The following SLC33A1 variants were observed in gnomAD, a reference collection of about 807,000 sequenced individuals.
SLC33A1 encodes acetyl-coenzyme A transporter 1.
SLC33A1 carries 20 observed loss-of-function variants against 50.0 expected under a neutral mutation model. The ratio of observed to expected loss-of-function variants is 0.40; its 90% CI spans 0.28 to 0.58. The LOEUF (loss-of-function observed/expected upper bound fraction) is 0.58. SLC33A1 is among the 20% of genes least tolerant of loss of function. The pLI is 0.44. For synonymous variants in SLC33A1, 265 were observed against 251.8 expected (o/e 1.05, Z -0.50); for missense variants, 476 against 657.0 (o/e 0.72, Z 3.01).
In SLC33A1 at chr3:155,826,061, C is replaced by T. The variant is rs1013937197; in HGVS notation, c.*2149G>A. On this transcript the variant is annotated 3_prime_UTR_variant, in exon 6 of 6. Coordinates refer to ENST00000643144, the MANE Select transcript of SLC33A1 (RefSeq NM_004733.4). Reference sequence around the variant, plus strand: ...CTTAAAGGCTTAAAATGTTTTAAAACTTCAAGTCATTAAAGATGTACTGAC... The same window carrying T: ...CTTAAAGGCTTAAAATGTTTTAAAATTTCAAGTCATTAAAGATGTACTGAC... The T allele has an allele frequency of 3.3e-5, 5 of 152,150 alleles. No homozygotes were observed. The highest frequency in any genetic ancestry group is 1.2e-4 in the African/African-American group (5 of 41,426). 9.4% of individuals were successfully genotyped at this position (152,150 alleles called of 1,614,324 possible).
intron 1 of SLC33A1, among the ~76,000 whole-genome samples, chr3:155,850,720 G>A (rs1479025137): frequency 6.6e-6 from 1 of 151,352 alleles, no homozygotes; most frequent in Non-Finnish European, 1.5e-5. Context: ...GGGTTCAAGC[G>A]ATTCTCCCCA....
chr3:155,829,990 G>T, intron 4 of SLC33A1, 87 bp from the exon 5 acceptor site: 1 of 856,660 alleles, frequency 1.2e-6, no homozygotes, highest in Non-Finnish European at 1.9e-6. Context: ...TCATAAACCT[G>T]AAATTAATTT....
chr3:155,836,299 AAAAAAAAAAAAAAAGGAAAG>A (rs1752665656), intron 2 of SLC33A1, among the ~76,000 whole-genome samples: 1 of 138,910 alleles, frequency 7.2e-6, no homozygotes, highest in East Asian at 2.1e-4. Context: ...AAAAAAAAAA[AAAAAAAAAAAAAAAGGAAAG>A]AAAGAAAAAA....
At chr3:155,848,015 A>G (rs1264880175) in intron 1 of SLC33A1, among the ~76,000 whole-genome samples, 1 of 152,076 alleles carries the variant, frequency 6.6e-6, no homozygotes, top group African/African-American at 2.4e-5. Context: ...TATTCCAATC[A>G]CTTCTAATTG....
chr3:155,844,515 G>C (rs1753087116), intron 1 of SLC33A1, among the ~76,000 whole-genome samples: 1 of 127,092 alleles, frequency 7.9e-6, no homozygotes, highest in South Asian at 2.6e-4. Flanking sequence ...TGTCAGGCTG[G>C]TGTGCAGTGG....
At position 155,842,594 on chromosome 3, in the gene SLC33A1, T is replaced by C. The variant is rs1490098715; in HGVS notation, c.801A>G (p.Val267=). 6 of 1,571,580 alleles carry C rather than the reference T, an allele frequency of 3.8e-6. No homozygotes were observed. ...CAACCAATGTTGTTGTTATTAAAAA[T>C]ACAGTTCCCCAGAAAAAAAGGAAAT... ...LSDFLFFWGT[V]FLITTTLVAL... Residue 267 remains valine (V), a synonymous_variant, in exon 2 of 6, where the codon GTA becomes GTG. Coordinates refer to ENST00000643144, the MANE Select transcript of SLC33A1 (RefSeq NM_004733.4).
intron 2 of SLC33A1, among the ~76,000 whole-genome samples, chr3:155,840,222 G>A (rs1752873714): frequency 6.6e-6 from 1 of 151,358 alleles, no homozygotes; most frequent in African/African-American, 2.4e-5. Context: ...CGAGTAGCTG[G>A]GCTTACAGGC....
intron 4 of SLC33A1, among the ~76,000 whole-genome samples, chr3:155,830,998 C>A (rs2109307177): frequency 6.6e-6 from 1 of 152,192 alleles, no homozygotes; most frequent in South Asian, 2.1e-4. Flanking sequence ...TCAAATAAGA[C>A]TGAAAGACAC....
chr3:155,834,528 C>T (rs748223704), intron 2 of SLC33A1, among the ~76,000 whole-genome samples: 1 of 151,930 alleles, frequency 6.6e-6, no homozygotes, highest in Non-Finnish European at 1.5e-5. Context: ...TCTGGGAAAA[C>T]GTATCTGAGA....
chr3:155,835,415 G>A (rs1017356617), intron 2 of SLC33A1, among the ~76,000 whole-genome samples: 8 of 152,066 alleles, frequency 5.3e-5, no homozygotes, highest in East Asian at 1.9e-4. Flanking sequence ...AACAAAAAGC[G>A]GCCCCCAAAA....
rs1315386109 is a variant in SLC33A1 at position 155,826,197 on chromosome 3, G to T, written c.*2013C>A. The T allele has an allele frequency of 6.6e-6, 1 of 152,044 alleles. No individual in the cohort carries two copies. Among genetic ancestry groups the T allele is most frequent in the Non-Finnish European group, 1.5e-5 (1 of 68,020 alleles). 9.4% of individuals were successfully genotyped at this position (152,044 alleles called of 1,614,324 possible). On this transcript the variant is annotated 3_prime_UTR_variant, in exon 6 of 6. Transcript: ENST00000643144. ...AGGTCAGGAGTTCAAGACCAGCCTG[G>T]CCAACATGGTGAAACCCCATCTCTA...
chr3:155,851,713 C>T (rs1213365467), intron 1 of SLC33A1, among the ~76,000 whole-genome samples: 2 of 152,118 alleles, frequency 1.3e-5, no homozygotes, highest in Non-Finnish European at 2.9e-5. Context: ...CCACTGTGCC[C>T]GGCCAGCAGT....
In SLC33A1 at chr3:155,821,045, T is replaced by C. The variant is rs1318402987; in HGVS notation, c.*7165A>G. The C allele has an allele frequency of 6.6e-6, 1 of 152,242 alleles. No homozygotes were observed. The highest frequency in any genetic ancestry group is 1.5e-5 in the Non-Finnish European group (1 of 68,032). The allele number at this position is 152,242 out of a possible 1,614,324, so 9.4% of individuals were successfully genotyped here. The stretch of plus-strand genomic sequence containing the variant: ...GATATTTCATTAATGTTTTATTTTT[T>C]AGAGAATCACTTTAAGCAATTAAAT... On this transcript the variant is annotated 3_prime_UTR_variant, in exon 6 of 6. Coordinates refer to ENST00000643144, the MANE Select transcript of SLC33A1 (RefSeq NM_004733.4).
At position 155,853,881 on chromosome 3, in the gene SLC33A1, A is replaced by C. The variant is rs1352050486; in HGVS notation, c.117T>G (p.His39Gln). 6.4e-7 allele frequency: 1 copy of C among 1,564,578 alleles called. No homozygotes were observed. The highest frequency in any genetic ancestry group is 8.6e-7 in the Non-Finnish European group (1 of 1,156,534). ...PLPPGGWDDSHLDSAGREGDR... is the reference protein window; with the variant it reads ...PLPPGGWDDSQLDSAGREGDR... ...CCCCTTCCCGGCCCGCTGAGTCCAA[A>C]TGACTGTCATCCCAACCGCCTGGCG... Residue 39 changes from histidine (H) to glutamine (Q), a missense_variant, in exon 1 of 6, where the codon CAT becomes CAG. Transcript: ENST00000643144.
intron 1 of SLC33A1, 94 bp from the exon 2 acceptor site, chr3:155,842,713 T>C (rs1752981005): frequency 1.3e-6 from 1 of 782,796 alleles, no homozygotes; most frequent in South Asian, 2.0e-5. Flanking sequence ...AATTAAAATG[T>C]TATTTAAAAA....
chr3:155,851,666 C>T (rs1753406666), intron 1 of SLC33A1, among the ~76,000 whole-genome samples: 1 of 152,118 alleles, frequency 6.6e-6, no homozygotes, highest in African/African-American at 2.4e-5. Flanking sequence ...GATCCTCCCA[C>T]CTCAGCCTCC....
chr3:155,846,683 C>G (rs1753190069), intron 1 of SLC33A1, among the ~76,000 whole-genome samples: 1 of 151,530 alleles, frequency 6.6e-6, no homozygotes, highest in Non-Finnish European at 1.5e-5. Flanking sequence ...GAACTCCTGA[C>G]CTCAGGTGAT....
intron 5 of SLC33A1, among the ~76,000 whole-genome samples, chr3:155,829,242 T>C (rs1181288454): frequency 6.6e-6 from 1 of 152,158 alleles, no homozygotes; most frequent in Non-Finnish European, 1.5e-5. Flanking sequence ...CATTCGGAAA[T>C]GTGAAGAAAT....
intron 2 of SLC33A1, among the ~76,000 whole-genome samples, chr3:155,837,575 C>A (rs1577464766): frequency 1.3e-5 from 2 of 152,144 alleles, no homozygotes; most frequent in Admixed American, 1.3e-4. Flanking sequence ...CCAAAAGTCA[C>A]GTATGTGAAT....
Sources: gnomAD v4.1 joint callset for allele counts (sites outside exome capture counted in the v4.1 genomes callset) on GRCh38, gnomAD v4.1.1 for gene constraint, MANE v1.5 for transcripts, NCBI Gene and HGNC (gene_info 2026-07-23, HGNC 2026-07-21) for gene names.